The following OPHN1 variants were observed in gnomAD, a reference collection of about 807,000 sequenced individuals.
OPHN1 encodes oligophrenin 1, also known as oligophrenin-1.
A neutral mutation model predicts 60.7 loss-of-function variants in OPHN1; 11 were observed. The observed-to-expected ratio is 0.18, with a 90% CI of 0.11 to 0.30. OPHN1 has a LOEUF of 0.30. Ranked by LOEUF, OPHN1 falls within the 10% of genes least tolerant of loss-of-function variation. OPHN1 has a pLI of 1.00. For synonymous variants in OPHN1, 226 were observed against 222.6 expected, an observed-to-expected ratio of 1.02 and a Z score of -0.14; for missense variants, 449 against 611.0, an observed-to-expected ratio of 0.73 and a Z score of 2.80.
intron 15 of OPHN1, among the ~76,000 whole-genome samples, chrX:68,171,455 G>T (rs1433035190): frequency 8.9e-6 from 1 of 111,735 alleles, no homozygotes; most frequent in Non-Finnish European, 1.9e-5. Flanking sequence ...AGAAGATATG[G>T]CTGGGCCCGG....
intron 16 of OPHN1, among the ~76,000 whole-genome samples, chrX:68,114,761 G>C (rs952283827): frequency 2.7e-5 from 3 of 111,179 alleles, no homozygotes; most frequent in African/African-American, 9.8e-5. Flanking sequence ...CTCCAGCCTG[G>C]GTGACAAAGC....
At chrX:68,383,181 C>T (rs950441870) in intron 2 of OPHN1, among the ~76,000 whole-genome samples, 5 of 110,644 alleles carry the variant, frequency 4.5e-5, no homozygotes, top group Non-Finnish European at 9.5e-5. Flanking sequence ...AAAAAAAATG[C>T]TATTGAATAG....
chrX:68,210,305 A>C (rs769966249), intron 8 of OPHN1, 23 bp from the exon 9 acceptor site: 2 of 1,185,457 alleles, frequency 1.7e-6, no homozygotes, highest in Admixed American at 4.4e-5. Flanking sequence ...CATCATGAAA[A>C]TCATTATTAT....
chrX:68,153,444 G>A (rs1248214135), intron 15 of OPHN1, among the ~76,000 whole-genome samples: 8 of 111,135 alleles, frequency 7.2e-5, no homozygotes, highest in African/African-American at 9.8e-5. Flanking sequence ...AGAAGAAGCA[G>A]TTAGACCACC....
intron 2 of OPHN1, among the ~76,000 whole-genome samples, chrX:68,333,247 A>T (rs2078304203): frequency 9.2e-6 from 1 of 108,364 alleles, no homozygotes; most frequent in Admixed American, 1.0e-4. Context: ...TGAGACCCCC[A>T]TCTCTACAAA....
chrX:68,416,574 G>A (rs1261902405), intron 2 of OPHN1, among the ~76,000 whole-genome samples: 4 of 111,536 alleles, frequency 3.6e-5, no homozygotes, highest in African/African-American at 1.3e-4. Context: ...GTCAGGCCCC[G>A]GGGTAGGCAA....
chrX:68,356,416 A>AT (rs2078440767), intron 2 of OPHN1, among the ~76,000 whole-genome samples: 1 of 88,969 alleles, frequency 1.1e-5, no homozygotes, highest in South Asian at 4.5e-4. Context: ...ATTCCTTAAA[A>AT]TATTTTTTTT....
chrX:68,288,859 T>C (rs2078057606), intron 3 of OPHN1, among the ~76,000 whole-genome samples: 1 of 112,283 alleles, frequency 8.9e-6, no homozygotes, highest in African/African-American at 3.2e-5. Flanking sequence ...CTTGAGGTCC[T>C]ATAAAGCCTC....
chrX:68,221,103 T>G (rs1204272556), intron 6 of OPHN1, among the ~76,000 whole-genome samples: 6 of 95,864 alleles, frequency 6.3e-5, no homozygotes, highest in African/African-American at 2.2e-4. Context: ...ACAAAATCAA[T>G]GTACAAAAAT....
intron 19 of OPHN1, among the ~76,000 whole-genome samples, chrX:68,096,122 G>A (rs925779337): frequency 7.2e-5 from 8 of 111,122 alleles, no homozygotes; most frequent in South Asian, 3.8e-4. Context: ...CCTGGAGCAG[G>A]CCATAAAAGA....
chrX:68,168,573 T>A (rs1440221390), intron 15 of OPHN1, among the ~76,000 whole-genome samples: 3 of 106,214 alleles, frequency 2.8e-5, no homozygotes, highest in African/African-American at 1.0e-4. Context: ...AATTGACACC[T>A]TAACATCACA....
intron 2 of OPHN1, among the ~76,000 whole-genome samples, chrX:68,336,702 C>T (rs1169698079): frequency 2.8e-5 from 3 of 107,733 alleles, no homozygotes; most frequent in African/African-American, 3.4e-5. Context: ...GTGTGTATTT[C>T]GGGGCCCATG....
chrX:68,274,904 C>A (rs1236787915), intron 4 of OPHN1, 95 bp from the exon 5 acceptor site: 10 of 595,503 alleles, frequency 1.7e-5, no homozygotes, highest in Non-Finnish European at 2.5e-5. Context: ...ATATACCAAC[C>A]TGCAAAATGT....
intron 15 of OPHN1, among the ~76,000 whole-genome samples, chrX:68,130,245 G>A (rs1035605116): frequency 2.7e-5 from 3 of 111,365 alleles, no homozygotes; most frequent in Non-Finnish European, 5.7e-5. Context: ...GCTATTTCAG[G>A]CCAGGCTCAT....
intron 23 of OPHN1, among the ~76,000 whole-genome samples, chrX:68,050,431 C>T (rs1280591731): frequency 8.9e-6 from 1 of 111,961 alleles, no homozygotes; most frequent in African/African-American, 3.2e-5. Flanking sequence ...GTAGGTTGTG[C>T]TTGATCTAAG....
chrX:68,136,372 C>T (rs1435204356), intron 15 of OPHN1, among the ~76,000 whole-genome samples: 3 of 98,144 alleles, frequency 3.1e-5, no homozygotes, highest in East Asian at 3.1e-4. Context: ...GGCGTGATCT[C>T]GGCTCACTGC....
intron 2 of OPHN1, among the ~76,000 whole-genome samples, chrX:68,367,398 C>T (rs2078505287): frequency 9.4e-6 from 1 of 106,555 alleles, no homozygotes; most frequent in African/African-American, 3.4e-5. Context: ...TCAGAATCAA[C>T]TTTATTGAAC....
chrX:68,383,195 C>A (rs149602306), intron 2 of OPHN1, among the ~76,000 whole-genome samples: 139 of 110,735 alleles, frequency 1.3e-3, no homozygotes, highest in African/African-American at 4.5e-3. Flanking sequence ...TGAATAGGAT[C>A]AGAAATGAAG....
At chrX:68,392,853 T>C (rs2078660582) in intron 2 of OPHN1, among the ~76,000 whole-genome samples, 1 of 109,505 alleles carries the variant, frequency 9.1e-6, no homozygotes, top group South Asian at 4.1e-4. Flanking sequence ...GATCCCCCCT[T>C]CCAGCTCCCC....
Sources: gnomAD v4.1 joint callset for allele counts (sites outside exome capture counted in the v4.1 genomes callset) on GRCh38, gnomAD v4.1.1 for gene constraint, MANE v1.5 for transcripts, NCBI Gene and HGNC (gene_info 2026-07-23, HGNC 2026-07-21) for gene names.